The following ADAM32 variants were observed in gnomAD, a reference collection of about 807,000 sequenced individuals.
ADAM32 encodes the protein disintegrin and metalloproteinase domain-containing protein 32.
ADAM32 carries 89 observed loss-of-function variants against 114.9 expected under a neutral mutation model. That is an observed-to-expected ratio of 0.77 (90% CI 0.65 to 0.92). The LOEUF is 0.92. ADAM32 is among the 40% of genes least tolerant of loss of function. The pLI is 0.00. For synonymous variants in ADAM32, 285 were observed against 307.5 expected, an observed-to-expected ratio of 0.93 and a Z score of 0.77; for missense variants, 870 against 932.8, an observed-to-expected ratio of 0.93 and a Z score of 0.88.
intron 17 of ADAM32, among the ~76,000 whole-genome samples, chr8:39,251,852 C>T (rs1208604087): frequency 6.6e-6 from 1 of 151,622 alleles, no homozygotes; most frequent in East Asian, 1.9e-4. Flanking sequence ...AGTTTTGGTT[C>T]TTAGATTTAA....
chr8:39,158,028 A>T, intron 6 of ADAM32: 1 of 269,080 alleles, frequency 3.7e-6, no homozygotes, highest in Non-Finnish European at 7.4e-6. Context: ...TATGCCAATG[A>T]CTGGTGACCT....
chr8:39,223,023 G>A lies in ADAM32; in HGVS notation c.1327-17G>A, dbSNP rs758421291. The A allele has an allele frequency of 1.5e-5, 23 of 1,532,640 alleles. No homozygotes were observed. In the African/African-American group the frequency reaches 2.4e-4, roughly 16 times the overall value. 94.9% of individuals were successfully genotyped at this position (1,532,640 alleles called of 1,614,324 possible). A position where few individuals can be genotyped will look rare whatever the true frequency, so the allele number is the denominator to read the frequency against. Reference sequence around the variant, plus strand: ...CTATTTGTAATGCTTTATTTTTTATGTTCTAACTTCTCTTAGATTTTACAA... The same window carrying A: ...CTATTTGTAATGCTTTATTTTTTATATTCTAACTTCTCTTAGATTTTACAA... On this transcript the variant is annotated splice_polypyrimidine_tract_variant and intron_variant, in intron 13 of 24. Transcript: ENST00000379907.
intron 16 of ADAM32, among the ~76,000 whole-genome samples, chr8:39,235,973 A>G (rs895234492): frequency 4.6e-5 from 7 of 152,350 alleles, no homozygotes; most frequent in African/African-American, 1.7e-4. Context: ...ACTAAAAACA[A>G]GCTCTAATGT....
At position 39,233,929 on chromosome 8, in the gene ADAM32, CT is replaced by C; in HGVS notation, c.1666del (p.Tyr556ThrfsTer14). ...NLICGRLVCT[Y>X]PTRKPFHQEN... ...TTATATGTGGAAGATTAGTTTGTAC[CT>C]ACCCTACTCGAAAGCCTTTCCATCA... On this transcript the variant is annotated frameshift_variant, in exon 16 of 25. Coordinates refer to ENST00000379907, the MANE Select transcript of ADAM32 (RefSeq NM_145004.7). LOFTEE classifies it high-confidence loss of function. 6.3e-7 allele frequency: 1 copy of C among 1,580,746 alleles called. No homozygotes were observed. Among genetic ancestry groups the C allele is most frequent in the African/African-American group, 1.4e-5 (1 of 73,788 alleles).
chr8:39,268,948 A>G (rs1812540490), intron 19 of ADAM32, among the ~76,000 whole-genome samples: 1 of 152,284 alleles, frequency 6.6e-6, no homozygotes, highest in East Asian at 1.9e-4. Context: ...AACTCAAACT[A>G]TTCCTGTCCT....
At chr8:39,142,858 G>A (rs1227708468) in intron 3 of ADAM32, among the ~76,000 whole-genome samples, 1 of 151,980 alleles carries the variant, frequency 6.6e-6, no homozygotes, top group East Asian at 1.9e-4. Flanking sequence ...CATATATTTG[G>A]TATTTTCACA....
intron 1 of ADAM32, among the ~76,000 whole-genome samples, chr8:39,116,851 C>G (rs756820898): frequency 5.4e-4 from 82 of 151,482 alleles, no homozygotes; most frequent in Admixed American, 1.6e-3. Context: ...TTTCCCCATT[C>G]AGTATGATGT....
At chr8:39,170,476 T>A (rs1326406491) in intron 10 of ADAM32, among the ~76,000 whole-genome samples, 1 of 152,108 alleles carries the variant, frequency 6.6e-6, no homozygotes, top group Non-Finnish European at 1.5e-5. Context: ...TTTATATATA[T>A]AATGGGTAAA....
At chr8:39,158,871 T>A (rs907168138) in intron 6 of ADAM32, among the ~76,000 whole-genome samples, 1 of 152,198 alleles carries the variant, frequency 6.6e-6, no homozygotes, top group African/African-American at 2.4e-5. Context: ...TTCCTTTTTA[T>A]AATTTCTATA....
chr8:39,223,022 T>C lies in ADAM32; in HGVS notation c.1327-18T>C. On this transcript the variant is annotated intron_variant, in intron 13 of 24. Coordinates refer to ENST00000379907, the MANE Select transcript of ADAM32 (RefSeq NM_145004.7). ...CCTATTTGTAATGCTTTATTTTTTA[T>C]GTTCTAACTTCTCTTAGATTTTACA... 1.3e-6 allele frequency: 2 copies of C among 1,524,230 alleles called. No homozygotes were observed. Among genetic ancestry groups the C allele is most frequent in the African/African-American group, 2.8e-5 (2 of 71,500 alleles). The allele number at this position is 1,524,230 out of a possible 1,614,324, so 94.4% of individuals were successfully genotyped here. A position where few individuals can be genotyped will look rare whatever the true frequency, so the allele number is the denominator to read the frequency against.
chr8:39,179,351 G>A (rs1805709921), intron 10 of ADAM32, among the ~76,000 whole-genome samples: 1 of 152,226 alleles, frequency 6.6e-6, no homozygotes. Flanking sequence ...TTCCAAGCCA[G>A]TGGGTCTTAA....
At chr8:39,183,825 A>G (rs1393582133) in intron 10 of ADAM32, among the ~76,000 whole-genome samples, 1 of 152,208 alleles carries the variant, frequency 6.6e-6, no homozygotes, top group Non-Finnish European at 1.5e-5. Context: ...AGGCCACAAA[A>G]TGTGACCCTG....
intron 2 of ADAM32, among the ~76,000 whole-genome samples, chr8:39,134,075 G>A (rs868337792): frequency 5.9e-5 from 9 of 152,114 alleles, no homozygotes; most frequent in African/African-American, 2.2e-4. Context: ...GAGTGCTGGG[G>A]ACCCAGCTGC....
intron 24 of ADAM32, 33 bp from the exon 25 acceptor site, chr8:39,284,760 T>C: frequency 6.2e-7 from 1 of 1,613,430 alleles, no homozygotes; most frequent in Non-Finnish European, 8.5e-7. Flanking sequence ...CTGTCAGTAC[T>C]TTGAGCACGT....
At chr8:39,210,490 C>T (rs975751095) in intron 11 of ADAM32, among the ~76,000 whole-genome samples, 4 of 152,112 alleles carry the variant, frequency 2.6e-5, no homozygotes, top group Non-Finnish European at 4.4e-5. Context: ...GGTTCTATCC[C>T]GTGCTCTTAC....
intron 4 of ADAM32, among the ~76,000 whole-genome samples, chr8:39,148,068 C>T (rs1025243804): frequency 3.3e-5 from 5 of 152,160 alleles, no homozygotes; most frequent in East Asian, 3.9e-4. Context: ...TGTGAGCCAC[C>T]GCACCCAGCC....
chr8:39,228,998 A>G (rs971022751), intron 14 of ADAM32, among the ~76,000 whole-genome samples: 1 of 152,342 alleles, frequency 6.6e-6, no homozygotes, highest in African/African-American at 2.4e-5. Flanking sequence ...CAGAAACCCT[A>G]CAAGCTAGAA....
At chr8:39,283,203 T>C (rs1813541709) in intron 23 of ADAM32, among the ~76,000 whole-genome samples, 1 of 150,790 alleles carries the variant, frequency 6.6e-6, no homozygotes, top group African/African-American at 2.4e-5. Context: ...AGGTCAGGAG[T>C]TCAAGACAAG....
At chr8:39,157,681 G>T in intron 6 of ADAM32, 4 of 799,682 alleles carry the variant, frequency 5.0e-6, no homozygotes, top group Non-Finnish European at 8.4e-6. Flanking sequence ...CCTGCTGCTT[G>T]GTCTGCATCA....
Sources: gnomAD v4.1 joint callset for allele counts (sites outside exome capture counted in the v4.1 genomes callset) on GRCh38, gnomAD v4.1.1 for gene constraint, MANE v1.5 for transcripts, NCBI Gene and HGNC (gene_info 2026-07-23, HGNC 2026-07-21) for gene names.